The following CCDC148 variants were observed in gnomAD, a reference collection of about 807,000 sequenced individuals.
The protein encoded by CCDC148 is coiled-coil domain-containing protein 148.
In CCDC148, 89 loss-of-function variants were observed where a neutral mutation model predicts 85.7. The ratio of observed to expected loss-of-function variants is 1.04; its 90% CI spans 0.87 to 1.24. The LOEUF (loss-of-function observed/expected upper bound fraction) is 1.24. CCDC148 is among the 50% of genes most tolerant of loss of function. The probability of loss-of-function intolerance (pLI) is 0.00; values close to 1 mark genes in which losing one functional copy is unlikely to be tolerated. For synonymous variants in CCDC148, 230 were observed against 213.9 expected (o/e 1.08, Z -0.66); for missense variants, 692 against 671.7 (o/e 1.03, Z -0.33).
intron 10 of CCDC148, among the ~76,000 whole-genome samples, chr2:158,223,238 A>T (rs981681702): frequency 6.6e-6 from 1 of 152,146 alleles, no homozygotes; most frequent in Non-Finnish European, 1.5e-5. Context: ...GCAGTCTTAG[A>T]TCAAACTGCA....
chr2:158,361,224 GA>G (rs1683930905), intron 1 of CCDC148, among the ~76,000 whole-genome samples: 1 of 151,968 alleles, frequency 6.6e-6, no homozygotes, highest in African/African-American at 2.4e-5. Flanking sequence ...GTGACAGGGA[GA>G]ATGGAACCAA....
At chr2:158,456,280 G>T in intron 1 of CCDC148, 135 bp downstream of exon 1, 1 of 861,232 alleles carries the variant, frequency 1.2e-6, no homozygotes, top group South Asian at 1.4e-5. Context: ...TTATGAGTTT[G>T]AGGACCCAAA....
At chr2:158,444,921 G>C in intron 1 of CCDC148, among the ~76,000 whole-genome samples, 1 of 151,686 alleles carries the variant, frequency 6.6e-6, no homozygotes, top group Non-Finnish European at 1.5e-5. Flanking sequence ...AAGAAGGGGG[G>C]AAACAAAAAG....
intron 7 of CCDC148, among the ~76,000 whole-genome samples, chr2:158,328,321 T>C (rs1437208409): frequency 4.6e-5 from 7 of 152,190 alleles, no homozygotes; most frequent in African/African-American, 9.7e-5. Flanking sequence ...GCTTCATACA[T>C]GTCCCTACAA....
At chr2:158,443,180 CA>C (rs562781931) in intron 1 of CCDC148, among the ~76,000 whole-genome samples, 353 of 149,536 alleles carry the variant, frequency 2.4e-3, no homozygotes, top group Non-Finnish European at 4.2e-3. Context: ...AAAAAACAAA[CA>C]AAAAAAAGTC....
chr2:158,197,674 T>G (rs1367561046), intron 11 of CCDC148, among the ~76,000 whole-genome samples: 3 of 152,180 alleles, frequency 2.0e-5, no homozygotes, highest in African/African-American at 7.2e-5. Context: ...AATCTCATTT[T>G]GAACCAATTT....
chr2:158,417,559 T>C (rs1686558554), intron 1 of CCDC148, among the ~76,000 whole-genome samples: 1 of 152,226 alleles, frequency 6.6e-6, no homozygotes, highest in Non-Finnish European at 1.5e-5. Context: ...TGAGATTTTC[T>C]TAGAACTATA....
chr2:158,242,564 C>G (rs68114411), intron 10 of CCDC148, among the ~76,000 whole-genome samples: 12,132 of 151,944 alleles, frequency 0.08, 596 homozygotes, highest in Middle Eastern at 0.13. Context: ...CAATACCACC[C>G]TGAGCCATTC....
intron 1 of CCDC148, among the ~76,000 whole-genome samples, chr2:158,384,576 G>A (rs1312085186): frequency 6.6e-6 from 1 of 152,094 alleles, no homozygotes; most frequent in South Asian, 2.1e-4. Context: ...TGCCATGATT[G>A]TAAGTTACCT....
chr2:158,352,239 G>A (rs1341270179), intron 2 of CCDC148, among the ~76,000 whole-genome samples: 2 of 150,708 alleles, frequency 1.3e-5, no homozygotes, highest in Admixed American at 6.6e-5. Flanking sequence ...TGACTTTGAC[G>A]AGCTGAGAGA....
intron 1 of CCDC148, among the ~76,000 whole-genome samples, chr2:158,392,284 A>C (rs1261503534): frequency 6.6e-6 from 1 of 152,152 alleles, no homozygotes; most frequent in Non-Finnish European, 1.5e-5. Context: ...CTATTCTGCA[A>C]CAGCTCTGGG....
Position 158,238,605 on chromosome 2 carries a change from A to G in CCDC148, c.1251+12167T>C, listed in dbSNP as rs1308617544. Among the ~76,000 whole-genome samples the G allele has an allele frequency of 2.6e-5, 4 of 152,188 alleles. No homozygotes were observed. In the East Asian group the frequency reaches 7.7e-4, roughly 29 times the overall value. On this transcript the variant is annotated intron_variant, in intron 10 of 13. Coordinates refer to ENST00000283233, the MANE Select transcript of CCDC148 (RefSeq NM_138803.4). ...GGTCTGGTGTCCTGTAAGTGTTTACACATCATAATTCATTATCTCAGAGGG... is the reference window on the plus strand; with the variant it reads ...GGTCTGGTGTCCTGTAAGTGTTTACGCATCATAATTCATTATCTCAGAGGG...
chr2:158,423,903 T>C (rs4581848), intron 1 of CCDC148, among the ~76,000 whole-genome samples: 7,640 of 152,006 alleles, frequency 0.05, 415 homozygotes, highest in Admixed American at 0.17. Flanking sequence ...AAAAAGTGGG[T>C]GAAGGATATG....
At chr2:158,334,551 T>C (rs182958808) in intron 7 of CCDC148, among the ~76,000 whole-genome samples, 1 of 70,596 alleles carries the variant, frequency 1.4e-5, no homozygotes, top group Admixed American at 1.1e-4. Flanking sequence ...CTCATTCTTT[T>C]ATGATTTTCT....
At chr2:158,211,723 C>G (rs557114650) in intron 11 of CCDC148, among the ~76,000 whole-genome samples, 1 of 152,332 alleles carries the variant, frequency 6.6e-6, no homozygotes, top group African/African-American at 2.4e-5. Flanking sequence ...GTACAGTCAT[C>G]AGGAGCTAAA....
At position 158,288,161 on chromosome 2, in the gene CCDC148, T is replaced by C. The variant is rs918725454; in HGVS notation, c.1110+21272A>G. On this transcript the variant is annotated intron_variant, in intron 9 of 13. Coordinates refer to ENST00000283233, the MANE Select transcript of CCDC148 (RefSeq NM_138803.4). ...GCACAGGAACCCTAGGCCCAGCCCATGAATCCATGTTTTCCTCCTACACTC... is the reference window on the plus strand; with the variant it reads ...GCACAGGAACCCTAGGCCCAGCCCACGAATCCATGTTTTCCTCCTACACTC... Among the ~76,000 whole-genome samples, 19 of 152,282 alleles carry C rather than the reference T, an allele frequency of 1.2e-4. No individual in the cohort carries two copies. The Middle Eastern group carries it at 0.01, about 82-fold the overall frequency.
intron 1 of CCDC148, among the ~76,000 whole-genome samples, chr2:158,409,088 A>G (rs1408557080): frequency 6.6e-6 from 1 of 151,982 alleles, no homozygotes; most frequent in East Asian, 1.9e-4. Context: ...ATATATATGT[A>G]TATATAATTT....
chr2:158,196,588 C>A (rs1482090402), intron 11 of CCDC148, among the ~76,000 whole-genome samples: 1 of 152,178 alleles, frequency 6.6e-6, no homozygotes, highest in East Asian at 1.9e-4. Context: ...TGCCCCCAAT[C>A]TGCTTTCCTT....
At chr2:158,425,000 A>C (rs886571481) in intron 1 of CCDC148, 4 of 385,312 alleles carry the variant, frequency 1.0e-5, no homozygotes, top group Non-Finnish European at 2.0e-5. Flanking sequence ...CTGCAACACC[A>C]AAACAAAAAG....
Sources: allele counts gnomAD v4.1 joint callset (sites outside exome capture counted in the v4.1 genomes callset), GRCh38; gene constraint gnomAD v4.1.1; transcripts MANE v1.5; gene names NCBI Gene and HGNC (gene_info 2026-07-23, HGNC 2026-07-21).